SETBP1: variants seen among roughly 807,000 people sequenced by gnomAD.
SETBP1 encodes the protein SET binding protein 1.
Under a neutral mutation model 101.0 loss-of-function variants are expected in SETBP1, and 9 were observed. That is an observed-to-expected ratio of 0.09 (90% confidence interval 0.05 to 0.16). The LOEUF (loss-of-function observed/expected upper bound fraction) is 0.16. SETBP1 is among the 10% of genes least tolerant of loss of function. The probability of loss-of-function intolerance (pLI) is 1.00; values close to 1 mark genes in which losing one functional copy is unlikely to be tolerated. For synonymous variants in SETBP1, 818 were observed against 788.5 expected (o/e 1.04, Z -0.63); for missense variants, 1,858 against 2,033.8 (o/e 0.91, Z 1.66).
At chr18:45,001,363 A>C (rs1260258773) in intron 4 of SETBP1, among the ~76,000 whole-genome samples, 1 of 152,240 alleles carries the variant, frequency 6.6e-6, no homozygotes, top group East Asian at 1.9e-4. Flanking sequence ...ATACAAAGTA[A>C]ATGCACAATA....
At chr18:44,708,738 A>AAAAAGAAAAG (rs72194346) in intron 2 of SETBP1, among the ~76,000 whole-genome samples, 28 of 150,982 alleles carry the variant, frequency 1.9e-4, no homozygotes, top group African/African-American at 6.8e-4. Context: ...CATGTTCAAA[A>AAAAAGAAAAG]AAAAGAAAAG....
At chr18:44,903,246 A>G (rs1001091277) in intron 3 of SETBP1, among the ~76,000 whole-genome samples, 1 of 152,176 alleles carries the variant, frequency 6.6e-6, no homozygotes, top group Non-Finnish European at 1.5e-5. Context: ...TAGGTATAAA[A>G]TAAAGCTCTT....
chr18:44,837,171 C>G (rs2072515476), intron 2 of SETBP1, among the ~76,000 whole-genome samples: 1 of 152,160 alleles, frequency 6.6e-6, no homozygotes, highest in Non-Finnish European at 1.5e-5. Flanking sequence ...TCAAGGTGGG[C>G]AGTCTTTGCT....
intron 3 of SETBP1, among the ~76,000 whole-genome samples, chr18:44,920,181 A>G (rs542973795): frequency 6.6e-6 from 1 of 152,306 alleles, no homozygotes; most frequent in East Asian, 1.9e-4. Context: ...AAGGAACATT[A>G]TGTCCTCACA....
At chr18:44,737,691 A>G (rs991890574) in intron 2 of SETBP1, among the ~76,000 whole-genome samples, 4 of 152,242 alleles carry the variant, frequency 2.6e-5, no homozygotes, top group African/African-American at 7.2e-5. Flanking sequence ...GTTTAAAGCT[A>G]GAAATTTCCA....
At position 44,701,211 on chromosome 18, in the gene SETBP1, C is replaced by G. The variant is rs1481724553; in HGVS notation, c.-136C>G. ...ATCTCTTCTGAACACCTCATCGTGT[C>G]TCCATCCCTGGGAATCTGACCCTAG... On this transcript the variant is annotated 5_prime_UTR_variant, in exon 2 of 6. Transcript: ENST00000649279. The G allele has an allele frequency of 2.2e-6, 2 of 921,420 alleles. No individual in the cohort carries two copies. Among genetic ancestry groups the G allele is most frequent in the Non-Finnish European group, 3.2e-6 (2 of 627,896 alleles). The allele number at this position is 921,420 out of a possible 1,614,324, so 57.1% of individuals were successfully genotyped here. A position where few individuals can be genotyped will look rare whatever the true frequency, so the allele number is the denominator to read the frequency against.
At chr18:44,814,124 G>A (rs1568160377) in intron 2 of SETBP1, among the ~76,000 whole-genome samples, 1 of 152,224 alleles carries the variant, frequency 6.6e-6, no homozygotes, top group Non-Finnish European at 1.5e-5. Flanking sequence ...TAGAGAAAAT[G>A]CACCTAGGCC....
intron 3 of SETBP1, among the ~76,000 whole-genome samples, chr18:44,895,924 A>G (rs1260124779): frequency 6.6e-6 from 1 of 152,166 alleles, no homozygotes; most frequent in East Asian, 1.9e-4. Flanking sequence ...TTGATGTAAC[A>G]GTGAAATGGC....
intron 2 of SETBP1, among the ~76,000 whole-genome samples, chr18:44,722,921 A>G (rs182389769): frequency 1.3e-5 from 2 of 152,322 alleles, no homozygotes; most frequent in Admixed American, 6.5e-5. Flanking sequence ...ATGTAATAGG[A>G]TTAGAATCTA....
chr18:44,974,394 G>A (rs2071939497), intron 4 of SETBP1, among the ~76,000 whole-genome samples: 1 of 152,202 alleles, frequency 6.6e-6, no homozygotes, highest in Admixed American at 6.5e-5. Context: ...GGCAAGGAGG[G>A]GAGGGAGATG....
At chr18:44,713,152 G>A (rs1252710780) in intron 2 of SETBP1, among the ~76,000 whole-genome samples, 1 of 151,800 alleles carries the variant, frequency 6.6e-6, no homozygotes, top group Non-Finnish European at 1.5e-5. Flanking sequence ...TAGAGACGGG[G>A]TTTCACCATG....
intron 3 of SETBP1, among the ~76,000 whole-genome samples, chr18:44,934,942 G>A (rs2070925612): frequency 6.6e-6 from 1 of 152,208 alleles, no homozygotes; most frequent in African/African-American, 2.4e-5. Context: ...GGCACATATA[G>A]GAGATTCCAA....
chr18:44,750,807 A>G (rs1210059424), intron 2 of SETBP1, among the ~76,000 whole-genome samples: 1 of 152,198 alleles, frequency 6.6e-6, no homozygotes, highest in South Asian at 2.1e-4. Flanking sequence ...ATATCAAGTT[A>G]TGAAAGATTT....
intron 2 of SETBP1, among the ~76,000 whole-genome samples, chr18:44,754,248 T>C (rs753796767): frequency 6.6e-6 from 1 of 152,204 alleles, no homozygotes; most frequent in African/African-American, 2.4e-5. Flanking sequence ...TATTTAAATA[T>C]ACCTTAAATA....
chr18:44,881,143 G>A (rs1276904974), intron 3 of SETBP1, among the ~76,000 whole-genome samples: 2 of 152,102 alleles, frequency 1.3e-5, no homozygotes. Flanking sequence ...CAAGTTTTGT[G>A]AGCCTATTTT....
intron 3 of SETBP1, among the ~76,000 whole-genome samples, chr18:44,895,295 G>A (rs2069873817): frequency 1.2e-5 from 1 of 85,710 alleles, no homozygotes; most frequent in Non-Finnish European, 2.3e-5. Context: ...AGGAGGGAGG[G>A]AGGAAGGGGG....
At chr18:44,776,167 G>C (rs1193163734) in intron 2 of SETBP1, among the ~76,000 whole-genome samples, 1 of 152,178 alleles carries the variant, frequency 6.6e-6, no homozygotes, top group Non-Finnish European at 1.5e-5. Context: ...GTTGAGGCCT[G>C]AATGTCAAGC....
At position 44,950,009 on chromosome 18, in the gene SETBP1, C is replaced by T. The variant is rs767087990; in HGVS notation, c.669C>T (p.Ser223=). Residue 223 remains serine (S), a synonymous_variant, in exon 4 of 6, where the codon TCC becomes TCT. Transcript: ENST00000649279. ...KSSSQNHMDW[S]TNSDSGPVTQ... Reference sequence around the variant, plus strand: ...GCAGCCAGAACCACATGGACTGGTCCACCAACTCTGACAGCGGACCCGTCA... The same window carrying T: ...GCAGCCAGAACCACATGGACTGGTCTACCAACTCTGACAGCGGACCCGTCA... 1 of 1,614,170 alleles carries T rather than the reference C, an allele frequency of 6.2e-7. No individual in the cohort carries two copies. Among genetic ancestry groups the T allele is most frequent in the Admixed American group, 1.7e-5 (1 of 60,032 alleles).
rs1176580363 is a variant in SETBP1, at chr18:44,712,794, G to A, written c.486+10962G>A. ...AGAAGTTGAATTCATTGAGGACACAGGTGAGAATCAGGCATCTGGTCATTA... is the reference window on the plus strand; with the variant it reads ...AGAAGTTGAATTCATTGAGGACACAAGTGAGAATCAGGCATCTGGTCATTA... On this transcript the variant is annotated intron_variant, in intron 2 of 5. Transcript: ENST00000649279. Among the ~76,000 whole-genome samples, 4 of 152,062 alleles carry A rather than the reference G, an allele frequency of 2.6e-5. No homozygotes were observed. The East Asian group carries it at 7.7e-4, about 29-fold the overall frequency.
Sources: gnomAD v4.1 joint callset for allele counts (sites outside exome capture counted in the v4.1 genomes callset) on GRCh38, gnomAD v4.1.1 for gene constraint, MANE v1.5 for transcripts, NCBI Gene and HGNC (gene_info 2026-07-23, HGNC 2026-07-21) for gene names.